Variants in LRRC4C observed in about 807,000 individuals in gnomAD.
LRRC4C encodes the protein leucine-rich repeat-containing protein 4C.
Under a neutral mutation model 33.6 loss-of-function variants are expected in LRRC4C, and 5 were observed. The ratio of observed to expected loss-of-function variants is 0.15; its 90% confidence interval spans 0.08 to 0.31. The LOEUF (loss-of-function observed/expected upper bound fraction) is 0.31, where lower values mean the gene tolerates loss of function less well. LRRC4C is among the 10% of genes least tolerant of loss of function. The pLI is 1.00. For missense variants in LRRC4C, 560 were observed against 796.7 expected (o/e 0.70, Z 3.58); for synonymous variants, 329 against 302.0 (o/e 1.09, Z -0.93).
intron 3 of LRRC4C, among the ~76,000 whole-genome samples, chr11:40,637,888 A>T (rs918277458): frequency 2.6e-5 from 4 of 151,972 alleles, no homozygotes; most frequent in African/African-American, 9.7e-5. Context: ...CCAGGACTTC[A>T]CTCCTTAATT....
At chr11:41,232,643 A>C (rs2136473345) in intron 1 of LRRC4C, among the ~76,000 whole-genome samples, 1 of 152,166 alleles carries the variant, frequency 6.6e-6, no homozygotes, top group East Asian at 1.9e-4. Context: ...GCCCTCATCT[A>C]GCCATTAAAT....
chr11:40,410,477 A>G (rs1042819941), intron 3 of LRRC4C, among the ~76,000 whole-genome samples: 1 of 152,090 alleles, frequency 6.6e-6, no homozygotes, highest in Non-Finnish European at 1.5e-5. Context: ...CGTAATGAAC[A>G]CTGTGTGTAG....
chr11:41,078,548 A>G (rs1295451577), intron 1 of LRRC4C, among the ~76,000 whole-genome samples: 1 of 152,192 alleles, frequency 6.6e-6, no homozygotes, highest in Non-Finnish European at 1.5e-5. Context: ...TCACAATGGC[A>G]GGGCAGGAGA....
intron 1 of LRRC4C, among the ~76,000 whole-genome samples, chr11:40,982,709 G>A (rs957197731): frequency 1.3e-5 from 2 of 151,964 alleles, no homozygotes; most frequent in African/African-American, 2.4e-5. Flanking sequence ...AAGATGTGCA[G>A]GTTTATTCCA....
At chr11:41,112,017 T>C (rs1046258941) in intron 1 of LRRC4C, among the ~76,000 whole-genome samples, 36 of 152,062 alleles carry the variant, frequency 2.4e-4, no homozygotes, top group African/African-American at 8.0e-4. Context: ...TAAAAAGTAT[T>C]AGAAATACTT....
chr11:40,744,360 T>TA (rs1948311662), intron 2 of LRRC4C, among the ~76,000 whole-genome samples: 1 of 152,054 alleles, frequency 6.6e-6, no homozygotes, highest in South Asian at 2.1e-4. Flanking sequence ...GAGGACAGAG[T>TA]AATTCTTGGA....
chr11:41,425,338 T>C (rs1015519479), intron 1 of LRRC4C, among the ~76,000 whole-genome samples: 1 of 152,084 alleles, frequency 6.6e-6, no homozygotes, highest in Non-Finnish European at 1.5e-5. Flanking sequence ...GTTTCCCAGT[T>C]GCTACCTGGG....
chr11:40,480,399 T>C (rs1488317493), intron 3 of LRRC4C, among the ~76,000 whole-genome samples: 1 of 151,870 alleles, frequency 6.6e-6, no homozygotes, highest in Non-Finnish European at 1.5e-5. Flanking sequence ...AAATACCACA[T>C]GTTCTCATTT....
intron 1 of LRRC4C, among the ~76,000 whole-genome samples, chr11:41,096,539 C>T (rs868864247): frequency 2.6e-4 from 40 of 152,178 alleles, no homozygotes; most frequent in East Asian, 5.8e-4. Context: ...TGAGATCATT[C>T]ATCTCATTGG....
chr11:41,435,061 C>G (rs1955379387), intron 1 of LRRC4C, among the ~76,000 whole-genome samples: 1 of 152,126 alleles, frequency 6.6e-6, no homozygotes, highest in African/African-American at 2.4e-5. Flanking sequence ...CAACCAACAT[C>G]TGAAAGACTG....
chr11:40,253,986 T>G lies in LRRC4C; in HGVS notation c.-175-12388A>C, dbSNP rs547671082. 3.9e-5 allele frequency among the ~76,000 whole-genome samples: 6 copies of G among 152,352 alleles called. No homozygotes were observed. The South Asian group carries it at 1.0e-3, about 26-fold the overall frequency. Reference sequence around the variant, plus strand: ...TTTAACATTGTTACTGAAAGCAGATTATCAAACTATGGGATGAATTCCATT... The same window carrying G: ...TTTAACATTGTTACTGAAAGCAGATGATCAAACTATGGGATGAATTCCATT... On this transcript the variant is annotated intron_variant, in intron 4 of 6. Coordinates refer to ENST00000528697, the MANE Select transcript of LRRC4C (RefSeq NM_001258419.2).
At chr11:41,256,573 A>G (rs1219737163) in intron 1 of LRRC4C, among the ~76,000 whole-genome samples, 1 of 152,050 alleles carries the variant, frequency 6.6e-6, no homozygotes, top group Non-Finnish European at 1.5e-5. Context: ...ATTGATTCAT[A>G]GCATTAAAAA....
intron 2 of LRRC4C, among the ~76,000 whole-genome samples, chr11:40,721,547 TA>T (rs1947014039): frequency 6.6e-6 from 1 of 152,254 alleles, no homozygotes; most frequent in African/African-American, 2.4e-5. Context: ...CAGATTCACT[TA>T]TTCTCATTTT....
chr11:40,505,652 G>A (rs10768604), intron 3 of LRRC4C, among the ~76,000 whole-genome samples: 51,433 of 151,956 alleles, frequency 0.34, 10,507 homozygotes, highest in East Asian at 0.66. Flanking sequence ...TCAGATGTAT[G>A]TCAGGCATTG....
At chr11:40,150,062 T>C (rs1858063506) in intron 5 of LRRC4C, among the ~76,000 whole-genome samples, 1 of 152,188 alleles carries the variant, frequency 6.6e-6, no homozygotes, top group Non-Finnish European at 1.5e-5. Context: ...CCTTGCTTTT[T>C]CCAACTTTGG....
At chr11:40,735,972 C>T (rs549693462) in intron 2 of LRRC4C, among the ~76,000 whole-genome samples, 24 of 151,282 alleles carry the variant, frequency 1.6e-4, no homozygotes, top group East Asian at 1.9e-4. Context: ...GAGAAGTGTC[C>T]GTTCATGTCC....
intron 1 of LRRC4C, among the ~76,000 whole-genome samples, chr11:41,146,945 G>A (rs1194667392): frequency 6.6e-6 from 1 of 152,170 alleles, no homozygotes; most frequent in East Asian, 1.9e-4. Context: ...AAACAGATTA[G>A]TCATATTGAA....
intron 1 of LRRC4C, among the ~76,000 whole-genome samples, chr11:41,280,781 C>T (rs1316413391): frequency 6.6e-6 from 1 of 151,934 alleles, no homozygotes; most frequent in Admixed American, 6.6e-5. Flanking sequence ...TGAACTTGAG[C>T]ATGAGAAAAA....
At chr11:40,703,291 T>C (rs1945970706) in intron 2 of LRRC4C, among the ~76,000 whole-genome samples, 1 of 152,298 alleles carries the variant, frequency 6.6e-6, no homozygotes, top group African/African-American at 2.4e-5. Context: ...ATCTAACTTT[T>C]ATGGCAAAGT....
Sources: allele counts gnomAD v4.1 joint callset (sites outside exome capture counted in the v4.1 genomes callset), GRCh38; gene constraint gnomAD v4.1.1; transcripts MANE v1.5; gene names NCBI Gene and HGNC (gene_info 2026-07-23, HGNC 2026-07-21).